Variants in OR51D1 observed in about 807,000 individuals in gnomAD.
OR51D1 encodes the protein olfactory receptor family 51 subfamily D member 1.
For missense variants in OR51D1, 452 were observed against 396.2 expected (o/e 1.14, Z -1.20); for synonymous variants, 187 against 161.1 (o/e 1.16, Z -1.22).
chr11:4,638,511 G>A (rs1846923859), intron 1 of OR51D1, among the ~76,000 whole-genome samples: 1 of 152,172 alleles, frequency 6.6e-6, no homozygotes, highest in Non-Finnish European at 1.5e-5. Flanking sequence ...AGTAACAGCA[G>A]CAGCACTGGC....
In OR51D1 at chr11:4,639,895, C is replaced by G; in HGVS notation, c.105C>G (p.Thr35=). Residue 35 remains threonine, a synonymous_variant, in exon 2 of 2, where the codon ACC becomes ACG. Transcript: ENST00000641817. ...LLVGIPGLGP[T]IHFWLAFPLC... The stretch of plus-strand genomic sequence containing the variant: ...TGGGTATCCCTGGCCTGGGGCCTAC[C>G]ATACACTTTTGGCTGGCTTTCCCAC... The G allele has an allele frequency of 6.2e-7, 1 of 1,614,218 alleles. No individual in the cohort carries two copies. Among genetic ancestry groups the G allele is most frequent in the Non-Finnish European group, 8.5e-7 (1 of 1,180,038 alleles).
Position 4,639,945 on chromosome 11 carries a change from C to A in OR51D1, c.155C>A (p.Thr52Asn), listed in dbSNP as rs867642351. The change falls in exon 2 of 2, where the codon ACC (threonine) becomes AAC (asparagine). Residue 52 changes from threonine to asparagine, a missense_variant. By Grantham distance (65) the Thr-to-Asn change is moderately conservative (BLOSUM62 0). Transcript: ENST00000641817. ...CTGTGTTTTATGTATGCCTTGGCCA[C>A]CCTGGGTAACCTGACCATTGTCCTC... ...FPLCFMYALA[T>N]LGNLTIVLII... The A allele has an allele frequency of 2.5e-6, 4 of 1,614,176 alleles. No individual in the cohort carries two copies. The highest frequency in any genetic ancestry group is 3.4e-6 in the Non-Finnish European group (4 of 1,180,030).
rs1022840802 is a variant in OR51D1 at position 4,640,863 on chromosome 11, T to C, written c.*98T>C. ...GATTAAAGTATCAAACCTATTGTGC[T>C]GTCTTCTTCCAGCAATTTAAGTAGA... On this transcript the variant is annotated 3_prime_UTR_variant, in exon 2 of 2. Coordinates refer to ENST00000641817, the MANE Select transcript of OR51D1 (RefSeq NM_001004751.3). 23 of 1,143,192 alleles carry C rather than the reference T, an allele frequency of 2.0e-5. No individual in the cohort carries two copies. In the African/African-American group the frequency reaches 3.4e-4, roughly 17 times the overall value. 70.8% of individuals were successfully genotyped at this position (1,143,192 alleles called of 1,614,324 possible). A position where few individuals can be genotyped will look rare whatever the true frequency, so the allele number is the denominator to read the frequency against.
intron 1 of OR51D1, among the ~76,000 whole-genome samples, chr11:4,638,601 C>T (rs561876510): frequency 2.6e-5 from 4 of 152,264 alleles, no homozygotes; most frequent in African/African-American, 7.2e-5. Context: ...GACTGACTCT[C>T]ACCTGGGGCT....
In OR51D1 at chr11:4,639,794, C is replaced by T; in HGVS notation, c.4C>T (p.Gln2Ter). M[Q>*]KPQLLVPIIA... ...TTTCCTAGACCCTGGATTTTGTATG[C>T]AGAAGCCCCAGCTCTTGGTCCCTAT... Residue 2 changes from glutamine to a stop codon, truncating the protein, a stop_gained, in exon 2 of 2, where the codon CAG becomes TAG. Coordinates refer to ENST00000641817, the MANE Select transcript of OR51D1 (RefSeq NM_001004751.3). LOFTEE classifies it high-confidence loss of function. 5 of 1,611,258 alleles carry T rather than the reference C, an allele frequency of 3.1e-6. No individual in the cohort carries two copies. Among genetic ancestry groups the T allele is most frequent in the Non-Finnish European group, 4.2e-6 (5 of 1,177,954 alleles).
At position 4,639,908 on chromosome 11, in the gene OR51D1, C is replaced by G; in HGVS notation, c.118C>G (p.Leu40Val). 6.2e-7 allele frequency: 1 copy of G among 1,614,238 alleles called. No homozygotes were observed. Among genetic ancestry groups the G allele is most frequent in the South Asian group, 1.1e-5 (1 of 91,078 alleles). Residue 40 changes from leucine (L) to valine (V), a missense_variant, in exon 2 of 2, where the codon CTG becomes GTG. By Grantham distance (32) the Leu-to-Val change is conservative. Coordinates refer to ENST00000641817, the MANE Select transcript of OR51D1 (RefSeq NM_001004751.3). The part of the protein sequence containing the change: ...PGLGPTIHFW[L>V]AFPLCFMYAL... ...CCTGGGGCCTACCATACACTTTTGG[C>G]TGGCTTTCCCACTGTGTTTTATGTA...
intron 1 of OR51D1, 55 bp from the exon 2 acceptor site, chr11:4,639,722 C>G: frequency 6.6e-7 from 1 of 1,522,984 alleles, no homozygotes; most frequent in Non-Finnish European, 8.9e-7. Context: ...AGTCCTTTCT[C>G]TCCTCTGAGC....
chr11:4,640,373 C>G lies in OR51D1; in HGVS notation c.583C>G (p.Gln195Glu). ...TGTCACACACTCCTTCTGTCTGCAC[C>G]AAGATATTATGAAGCTGTCCTGTAC... ...HTVTHSFCLH[Q>E]DIMKLSCTDT... is the part of the protein sequence containing the mutation. The change falls in exon 2 of 2, where the codon CAA (glutamine) becomes GAA (glutamate). Residue 195 changes from glutamine (Q) to glutamate (E), a missense_variant. Transcript: ENST00000641817. 5 of 1,614,204 alleles carry G rather than the reference C, an allele frequency of 3.1e-6. No homozygotes were observed. Among genetic ancestry groups the G allele is most frequent in the Non-Finnish European group, 4.2e-6 (5 of 1,180,032 alleles).
At position 4,642,555 on chromosome 11, in the gene OR51D1, T is replaced by TGAA. The variant is rs1471418844; in HGVS notation, c.*1790_*1791insGAA. 1.6e-4 allele frequency: 1 copy of TGAA among 6,372 alleles called. No homozygotes were observed. Among genetic ancestry groups the TGAA allele is most frequent in the East Asian group, 5.3e-3 (1 of 190 alleles). 0.4% of individuals were successfully genotyped at this position (6,372 alleles called of 1,614,324 possible). On this transcript the variant is annotated 3_prime_UTR_variant, in exon 2 of 2. Transcript: ENST00000641817. The stretch of plus-strand genomic sequence containing the variant: ...CCTGGTGACAGAGCAAGACTCTGTG[T>TGAA]CAAAAAAAAAAAAAAAAAAAAAGCC...
rs186860677 is a variant in OR51D1, at chr11:4,641,283, G to C, written c.*518G>C. ...TTGAAGTTTCTGTATGCAAGAGGGT[G>C]TGTTGGCAGATTTGTGAAATCTGCC... is the stretch of plus-strand genomic sequence containing the variant. On this transcript the variant is annotated 3_prime_UTR_variant, in exon 2 of 2. Coordinates refer to ENST00000641817, the MANE Select transcript of OR51D1 (RefSeq NM_001004751.3). The C allele has an allele frequency of 6.4e-6, 1 of 157,404 alleles. No individual in the cohort carries two copies. Among genetic ancestry groups the C allele is most frequent in the African/African-American group, 2.4e-5 (1 of 41,592 alleles). 9.8% of individuals were successfully genotyped at this position (157,404 alleles called of 1,614,324 possible). A position where few individuals can be genotyped will look rare whatever the true frequency, so the allele number is the denominator to read the frequency against.
chr11:4,638,921 T>G (rs995933868), intron 1 of OR51D1, among the ~76,000 whole-genome samples: 4 of 152,084 alleles, frequency 2.6e-5, no homozygotes, highest in Non-Finnish European at 4.4e-5. Context: ...GCCTCCTGAG[T>G]AGCTGGGATT....
intron 1 of OR51D1, among the ~76,000 whole-genome samples, chr11:4,638,057 GT>G (rs1380125183): frequency 6.6e-6 from 1 of 152,188 alleles, no homozygotes; most frequent in Non-Finnish European, 1.5e-5. Context: ...AATAGACTAG[GT>G]TTGGAGGCAG....
chr11:4,640,842 A>T lies in OR51D1; in HGVS notation c.*77A>T, dbSNP rs1846960409. ...GATCCTATTGAATGCCTTGGTGATT[A>T]AAGTATCAAACCTATTGTGCTGTCT... On this transcript the variant is annotated 3_prime_UTR_variant, in exon 2 of 2. Transcript: ENST00000641817. The T allele has an allele frequency of 4.4e-6, 6 of 1,359,728 alleles. No individual in the cohort carries two copies. Among genetic ancestry groups the T allele is most frequent in the Non-Finnish European group, 6.0e-6 (6 of 993,508 alleles). 84.2% of individuals were successfully genotyped at this position (1,359,728 alleles called of 1,614,324 possible). A position where few individuals can be genotyped will look rare whatever the true frequency, so the allele number is the denominator to read the frequency against.
In OR51D1 at chr11:4,640,007, T is replaced by C; in HGVS notation, c.217T>C (p.Tyr73His). 1 of 1,614,198 alleles carries C rather than the reference T, an allele frequency of 6.2e-7. No homozygotes were observed. Among genetic ancestry groups the C allele is most frequent in the Non-Finnish European group, 8.5e-7 (1 of 1,180,042 alleles). The change falls in exon 2 of 2, where the codon TAC becomes CAC. Residue 73 changes from tyrosine (Y) to histidine (H), a missense_variant. Physicochemically the swap from Tyr to His is moderately conservative, Grantham distance 83. Coordinates refer to ENST00000641817, the MANE Select transcript of OR51D1 (RefSeq NM_001004751.3). The stretch of plus-strand genomic sequence containing the variant: ...GGAGAGGCGACTGCATGAGCCCATG[T>C]ACCTCTTCCTGGCCATGCTTTCCAC... Reference protein sequence around the residue: ...RVERRLHEPMYLFLAMLSTID... With the variant: ...RVERRLHEPMHLFLAMLSTID...
intron 1 of OR51D1, among the ~76,000 whole-genome samples, chr11:4,639,260 C>T (rs1846932528): frequency 1.3e-5 from 2 of 152,218 alleles, no homozygotes; most frequent in African/African-American, 4.8e-5. Context: ...CTTGAAATCT[C>T]ATCCCAGACT....
In OR51D1 at chr11:4,640,694, C is replaced by G. The variant is rs755168104; in HGVS notation, c.904C>G (p.Leu302Val). The G allele has an allele frequency of 2.5e-6, 4 of 1,613,982 alleles. No individual in the cohort carries two copies. The Admixed American group carries it at 5.0e-5, about 20-fold the overall frequency. The part of the protein sequence containing the change: ...YLLLPPVVNP[L>V]VYGAKTKEIC... ...GCTGCTACCACCTGTAGTCAACCCC[C>G]TTGTCTATGGAGCCAAGACCAAAGA... Residue 302 changes from leucine (L) to valine (V), a missense_variant, in exon 2 of 2, where the codon CTT (leucine) becomes GTT (valine). Physicochemically the swap from Leu to Val is conservative, Grantham distance 32. Coordinates refer to ENST00000641817, the MANE Select transcript of OR51D1 (RefSeq NM_001004751.3).
chr11:4,638,786 GTTTA>G (rs199985597), intron 1 of OR51D1, among the ~76,000 whole-genome samples: 43,766 of 151,828 alleles, frequency 0.29, 7,913 homozygotes, highest in Non-Finnish European at 0.42. Flanking sequence ...TTTTTTGTTT[GTTTA>G]TTTGTTTTGT....
Position 4,640,951 on chromosome 11 carries a change from G to C in OR51D1, c.*186G>C. The C allele has an allele frequency of 5.2e-6, 3 of 576,696 alleles. No homozygotes were observed. The highest frequency in any genetic ancestry group is 9.1e-6 in the Non-Finnish European group (3 of 327,946). The allele number at this position is 576,696 out of a possible 1,614,324, so 35.7% of individuals were successfully genotyped here. A position where few individuals can be genotyped will look rare whatever the true frequency, so the allele number is the denominator to read the frequency against. ...CTTATGACCCTGTCTGGACATCCTGGAGAATGACTGCACTAGTCCCTCTGC... is the reference window on the plus strand; with the variant it reads ...CTTATGACCCTGTCTGGACATCCTGCAGAATGACTGCACTAGTCCCTCTGC... On this transcript the variant is annotated 3_prime_UTR_variant, in exon 2 of 2. Coordinates refer to ENST00000641817, the MANE Select transcript of OR51D1 (RefSeq NM_001004751.3).
Position 4,639,935 on chromosome 11 carries a change from G to A in OR51D1, c.145G>A (p.Ala49Thr), listed in dbSNP as rs776469224. 2 of 1,614,050 alleles carry A rather than the reference G, an allele frequency of 1.2e-6. No individual in the cohort carries two copies. Among genetic ancestry groups the A allele is most frequent in the Non-Finnish European group, 1.7e-6 (2 of 1,180,042 alleles). Reference sequence around the variant, plus strand: ...GGCTTTCCCACTGTGTTTTATGTATGCCTTGGCCACCCTGGGTAACCTGAC... The same window carrying A: ...GGCTTTCCCACTGTGTTTTATGTATACCTTGGCCACCCTGGGTAACCTGAC... Reference protein sequence around the residue: ...WLAFPLCFMYALATLGNLTIV... With the variant: ...WLAFPLCFMYTLATLGNLTIV... The change falls in exon 2 of 2, where the codon GCC becomes ACC. Residue 49 changes from alanine to threonine, a missense_variant. Physicochemically the swap from Ala to Thr is moderately conservative, Grantham distance 58 (BLOSUM62 0). Coordinates refer to ENST00000641817, the MANE Select transcript of OR51D1 (RefSeq NM_001004751.3).
Sources: gnomAD v4.1 joint callset for allele counts (sites outside exome capture counted in the v4.1 genomes callset) on GRCh38, gnomAD v4.1.1 for gene constraint, MANE v1.5 for transcripts, NCBI Gene and HGNC (gene_info 2026-07-23, HGNC 2026-07-21) for gene names.